The following TRIM24 variants were observed in gnomAD, a reference collection of about 807,000 sequenced individuals.
TRIM24 encodes transcription intermediary factor 1-alpha.
In TRIM24, 29 loss-of-function variants were observed where a neutral mutation model predicts 123.9. That is an observed-to-expected ratio of 0.23 (90% CI 0.17 to 0.32). The LOEUF is 0.32. Among genes scored for constraint, TRIM24 ranks in the 10% least tolerant of loss-of-function variants. TRIM24 has a pLI of 1.00. For synonymous variants in TRIM24, 456 were observed against 461.1 expected, an observed-to-expected ratio of 0.99 and a Z score of 0.14; for missense variants, 932 against 1,295.3, an observed-to-expected ratio of 0.72 and a Z score of 4.31.
chr7:138,549,377 CTG>C (rs1478825346), intron 7 of TRIM24, among the ~76,000 whole-genome samples: 1 of 152,104 alleles, frequency 6.6e-6, no homozygotes, highest in East Asian at 1.9e-4. Context: ...ACAATGGAGA[CTG>C]AGATTGTGCA....
Position 138,515,284 on chromosome 7 carries a change from A to G in TRIM24, c.556A>G (p.Thr186Ala). 6.2e-7 allele frequency: 1 copy of G among 1,614,116 alleles called. No homozygotes were observed. The highest frequency in any genetic ancestry group is 8.5e-7 in the Non-Finnish European group (1 of 1,179,998). ...CVECVEWLCK[T>A]CIRAHQRVKF... ...AGAGTGTGTTGAATGGCTCTGCAAG[A>G]CGTGTATCAGAGCTCATCAGAGGGT... Residue 186 changes from threonine to alanine, a missense_variant, in exon 3 of 19, where the codon ACG becomes GCG. This residue lies in a region of TRIM24 where 74 missense variants were observed against 163.6 expected (regional missense o/e 0.45). Transcript: ENST00000343526.
chr7:138,521,605 C>T (rs1488715258), intron 4 of TRIM24, among the ~76,000 whole-genome samples: 1 of 152,078 alleles, frequency 6.6e-6, no homozygotes, highest in Non-Finnish European at 1.5e-5. Context: ...TACAAATATA[C>T]TATAATTATA....
chr7:138,460,964 G>A, intron 1 of TRIM24, 52 bp downstream of exon 1: 1 of 1,355,866 alleles, frequency 7.4e-7, no homozygotes, highest in Non-Finnish European at 9.4e-7. Flanking sequence ...CCAGGAGGGG[G>A]CGGGCGCCCT....
chr7:138,534,161 C>T (rs1796813269), intron 6 of TRIM24, among the ~76,000 whole-genome samples: 2 of 152,048 alleles, frequency 1.3e-5, no homozygotes, highest in Non-Finnish European at 1.5e-5. Flanking sequence ...TCAAAAAAAC[C>T]AGCTCCTGGA....
At chr7:138,533,893 G>A (rs1017934940) in intron 6 of TRIM24, among the ~76,000 whole-genome samples, 3 of 152,178 alleles carry the variant, frequency 2.0e-5, no homozygotes, top group Admixed American at 2.0e-4. Flanking sequence ...CAATTTCAGA[G>A]CCTGTTATTG....
At chr7:138,533,678 T>C (rs977362778) in intron 6 of TRIM24, among the ~76,000 whole-genome samples, 3 of 152,212 alleles carry the variant, frequency 2.0e-5, no homozygotes, top group Non-Finnish European at 4.4e-5. Flanking sequence ...AAAATTCTCT[T>C]TTTTTGTTGT....
In TRIM24 at chr7:138,579,227, C is replaced by A; in HGVS notation, c.2280C>A (p.Leu760=). Residue 760 remains leucine, a synonymous_variant, in exon 15 of 19, where the codon CTC becomes CTA. Transcript: ENST00000343526. ...AGGCCAATTATCCAAGAAGCATACT[C>A]ACCTCCCTGCTCTTAAATAGCAGTC... ...PQNANYPRSI[L]TSLLLNSSQS... is the part of the protein sequence containing the mutation. 1 of 1,593,466 alleles carries A rather than the reference C, an allele frequency of 6.3e-7. No individual in the cohort carries two copies.
intron 5 of TRIM24, among the ~76,000 whole-genome samples, chr7:138,526,064 G>A (rs1382192023): frequency 6.6e-6 from 1 of 152,110 alleles, no homozygotes; most frequent in Non-Finnish European, 1.5e-5. Flanking sequence ...GACCTCTTCT[G>A]TTGTTTTACA....
chr7:138,581,805 C>T, intron 17 of TRIM24, 34 bp downstream of exon 17: 5 of 1,507,956 alleles, frequency 3.3e-6, no homozygotes, highest in South Asian at 2.4e-5. Flanking sequence ...CATGTTTACA[C>T]AGTGGAATGC....
At chr7:138,547,358 G>T (rs1467440220) in intron 7 of TRIM24, among the ~76,000 whole-genome samples, 1 of 152,112 alleles carries the variant, frequency 6.6e-6, no homozygotes, top group Non-Finnish European at 1.5e-5. Flanking sequence ...CACTGTGTTT[G>T]TATTCTTGAA....
chr7:138,565,392 A>C (rs1010182826), intron 9 of TRIM24, among the ~76,000 whole-genome samples: 1 of 151,666 alleles, frequency 6.6e-6, no homozygotes, highest in Non-Finnish European at 1.5e-5. Flanking sequence ...CCTTACCACA[A>C]TCCTGTAGTG....
chr7:138,571,001 G>A lies in TRIM24; in HGVS notation c.1876G>A (p.Asp626Asn). 6.2e-7 allele frequency: 1 copy of A among 1,613,644 alleles called. No individual in the cohort carries two copies. Among genetic ancestry groups the A allele is most frequent in the Non-Finnish European group, 8.5e-7 (1 of 1,179,778 alleles). Residue 626 changes from aspartate (D) to asparagine (N), a missense_variant and splice_region_variant, in exon 11 of 19, where the codon GAT becomes AAT. Physicochemically the swap from Asp to Asn is conservative, Grantham distance 23. This residue lies in a region of TRIM24 where 527 missense variants were observed against 691.3 expected (regional missense o/e 0.76). Coordinates refer to ENST00000343526, the MANE Select transcript of TRIM24 (RefSeq NM_015905.3). ...GTCTTATAATCTTCCCTCTCTTCCG[G>A]ATGTAAGTAGACACAAAATTTATAC... ...GGSYNLPSLP[D>N]IDCSSTIMLD...
chr7:138,556,108 A>C (rs1325730333), intron 9 of TRIM24, among the ~76,000 whole-genome samples: 1 of 152,170 alleles, frequency 6.6e-6, no homozygotes, highest in Admixed American at 6.5e-5. Flanking sequence ...GTAATTTCCT[A>C]AGTATGTTCT....
chr7:138,519,385 G>A lies in TRIM24; in HGVS notation c.764+64G>A, dbSNP rs1004382505. 194 of 1,515,066 alleles carry A rather than the reference G, an allele frequency of 1.3e-4. 2 individuals are homozygous for A. The East Asian group carries it at 1.5e-3, about 11-fold the overall frequency. 93.9% of individuals were successfully genotyped at this position (1,515,066 alleles called of 1,614,324 possible). ...AGCTTTAGAGGACTAAAGGACTGCT[G>A]CCAACCCTCATCAAATGGCAGTCTG... On this transcript the variant is annotated intron_variant, in intron 4 of 18. Coordinates refer to ENST00000343526, the MANE Select transcript of TRIM24 (RefSeq NM_015905.3).
intron 1 of TRIM24, among the ~76,000 whole-genome samples, chr7:138,496,065 T>C (rs1219135530): frequency 2.0e-5 from 3 of 152,228 alleles, no homozygotes; most frequent in Admixed American, 6.5e-5. Flanking sequence ...TTTGAATTGT[T>C]ATTGCTATTC....
rs187491443 is a variant in TRIM24 at position 138,501,406 on chromosome 7, T to G, written c.365-2884T>G. On this transcript the variant is annotated intron_variant, in intron 1 of 18. Transcript: ENST00000343526. ...CCACTGCACCCGGCCAATTTGTGTA[T>G]TTTTAGTAGAGACGGGGTTTCCCCA... 5.7e-3 allele frequency among the ~76,000 whole-genome samples: 873 copies of G among 152,050 alleles called. 2 individuals carry two copies. The highest frequency in any genetic ancestry group is 8.9e-3 in the Non-Finnish European group (605 of 67,986).
At chr7:138,565,425 T>G (rs1243653315) in intron 9 of TRIM24, among the ~76,000 whole-genome samples, 3 of 141,944 alleles carry the variant, frequency 2.1e-5, no homozygotes, top group Non-Finnish European at 4.7e-5. Context: ...AATCATCCTG[T>G]TCCTGCTTAG....
At chr7:138,582,729 A>T (rs539442494) in intron 17 of TRIM24, among the ~76,000 whole-genome samples, 5 of 152,010 alleles carry the variant, frequency 3.3e-5, no homozygotes, top group Admixed American at 6.6e-5. Context: ...CAAAAAAAAA[A>T]TTTTTTTTCA....
At chr7:138,483,781 GT>G (rs1795584255) in intron 1 of TRIM24, among the ~76,000 whole-genome samples, 1 of 152,196 alleles carries the variant, frequency 6.6e-6, no homozygotes, top group East Asian at 1.9e-4. Flanking sequence ...TATCATGAAA[GT>G]GGGGTGCCCC....
Sources: gnomAD v4.1 joint callset for allele counts (sites outside exome capture counted in the v4.1 genomes callset) on GRCh38, gnomAD v4.1.1 for gene constraint, gnomAD v4.1.1 regional missense constraint, MANE v1.5 for transcripts, NCBI Gene and HGNC (gene_info 2026-07-23, HGNC 2026-07-21) for gene names.